UBE2W: variants seen among roughly 807,000 people sequenced by gnomAD.
The protein encoded by UBE2W is ubiquitin-conjugating enzyme E2 W.
A neutral mutation model predicts 27.2 loss-of-function variants in UBE2W; 18 were observed. The ratio of observed to expected loss-of-function variants is 0.66; its 90% CI spans 0.46 to 0.98. The LOEUF is 0.98. UBE2W is among the 50% of genes least tolerant of loss of function. The probability of loss-of-function intolerance (pLI) is 0.00; values close to 1 mark genes in which losing one functional copy is unlikely to be tolerated. For synonymous variants in UBE2W, 53 were observed against 57.2 expected (o/e 0.93, Z 0.33); for missense variants, 90 against 180.2 (o/e 0.50, Z 2.87).
At chr8:73,861,463 C>T (rs1190308145) in intron 1 of UBE2W, among the ~76,000 whole-genome samples, 1 of 151,980 alleles carries the variant, frequency 6.6e-6, no homozygotes, top group East Asian at 1.9e-4. Context: ...TGATACAGGC[C>T]CCTAAGATTA....
downstream of UBE2W, among the ~76,000 whole-genome samples, chr8:73,783,094 A>AAAAT (rs1455842555): frequency 2.0e-5 from 3 of 152,232 alleles, no homozygotes; most frequent in Non-Finnish European, 4.4e-5. Flanking sequence ...AGTAAAAAAC[A>AAAAT]AAATCACCCA....
chr8:73,795,876 G>T, intron 5 of UBE2W: 1 of 591,472 alleles, frequency 1.7e-6, no homozygotes, highest in Non-Finnish European at 2.1e-6. Flanking sequence ...GGGCCCAGGA[G>T]TTCAAGACCA....
rs1808008825 is a variant in UBE2W at position 73,787,584 on chromosome 8, G to A, written c.*6518C>T. ...GAGGACTAAGGTGCTCCTGGGGCAA[G>A]CAGATCCCCTGCAGAAAAGCTTAGA... On this transcript the variant is annotated 3_prime_UTR_variant, in exon 6 of 6. Coordinates refer to ENST00000602593, the MANE Select transcript of UBE2W (RefSeq NM_018299.6). 1 of 985,326 alleles carries A rather than the reference G, an allele frequency of 1.0e-6. No homozygotes were observed. The highest frequency in any genetic ancestry group is 6.1e-5 in the Admixed American group (1 of 16,264). The allele number at this position is 985,326 out of a possible 1,614,324, so 61.0% of individuals were successfully genotyped here.
chr8:73,805,464 A>AAACAAAC (rs1554579959), intron 5 of UBE2W, among the ~76,000 whole-genome samples, 187 bp downstream of exon 5: 1 of 124,626 alleles, frequency 8.0e-6, no homozygotes, highest in African/African-American at 2.7e-5. Flanking sequence ...CAAAAAAAAA[A>AAACAAAC]AAAAAAACAA....
At position 73,792,300 on chromosome 8, in the gene UBE2W, T is replaced by C; in HGVS notation, c.*1802A>G. ...TTTTTTAAAAGTGGTAATTGTTAAC[T>C]AGCAGTATATAAACAGTGTCCACAA... On this transcript the variant is annotated 3_prime_UTR_variant, in exon 6 of 6. Transcript: ENST00000602593. 2.0e-6 allele frequency: 2 copies of C among 985,644 alleles called. No homozygotes were observed. Among genetic ancestry groups the C allele is most frequent in the Non-Finnish European group, 2.4e-6 (2 of 829,778 alleles). The allele number at this position is 985,644 out of a possible 1,614,324, so 61.1% of individuals were successfully genotyped here. A position where few individuals can be genotyped will look rare whatever the true frequency, so the allele number is the denominator to read the frequency against.
At chr8:73,811,209 A>C (rs961097268) in intron 3 of UBE2W, among the ~76,000 whole-genome samples, 1 of 152,174 alleles carries the variant, frequency 6.6e-6, no homozygotes, top group African/African-American at 2.4e-5. Flanking sequence ...GCCTAGACGA[A>C]AAATACAAAA....
chr8:73,829,799 A>T (rs377499668), intron 2 of UBE2W, among the ~76,000 whole-genome samples: 391 of 152,302 alleles, frequency 2.6e-3, no homozygotes, highest in African/African-American at 8.5e-3. Context: ...TTGGTTTACA[A>T]TCAATTTTTA....
At chr8:73,781,575 T>C (rs1417469949), downstream of UBE2W, among the ~76,000 whole-genome samples, 1 of 151,746 alleles carries the variant, frequency 6.6e-6, no homozygotes, top group African/African-American at 2.4e-5. Context: ...ATAAGTGTAC[T>C]GACTTTCAGC....
At chr8:73,781,618 GGTT>G (rs1011305457), downstream of UBE2W, among the ~76,000 whole-genome samples, 2 of 89,738 alleles carry the variant, frequency 2.2e-5, no homozygotes, top group Non-Finnish European at 4.8e-5. Context: ...CTCAGGTTTG[GGTT>G]TTTTTTTTTT....
intron 1 of UBE2W, among the ~76,000 whole-genome samples, chr8:73,841,269 G>A (rs1305498744): frequency 6.6e-6 from 1 of 152,100 alleles, no homozygotes; most frequent in Non-Finnish European, 1.5e-5. Flanking sequence ...AGGGAAATGT[G>A]AGGCAATGTA....
At chr8:73,801,522 T>C (rs920797168) in intron 5 of UBE2W, among the ~76,000 whole-genome samples, 1 of 152,234 alleles carries the variant, frequency 6.6e-6, no homozygotes, top group Admixed American at 6.5e-5. Context: ...ACTAGTGAGA[T>C]TGAATCTATC....
Position 73,854,343 on chromosome 8 carries a change from T to A in UBE2W, c.16-23871A>T, listed in dbSNP as rs531522117. The stretch of plus-strand genomic sequence containing the variant: ...ATATTGTTAGAATAAATATTGATGC[T>A]CAACTCTTTACCAATCAAAAGGCAG... On this transcript the variant is annotated intron_variant, in intron 1 of 5. Transcript: ENST00000602593. Among the ~76,000 whole-genome samples the A allele has an allele frequency of 5.3e-5, 8 of 152,238 alleles. No individual in the cohort carries two copies. In the South Asian group the frequency reaches 1.7e-3, roughly 32 times the overall value.
rs10652083 is a variant in UBE2W at position 73,789,307 on chromosome 8, T to TAAAAAAAAAAAAAAAAAAAAA, written c.*4774_*4794dup. 1 of 40,032 alleles carries TAAAAAAAAAAAAAAAAAAAAA rather than the reference T, an allele frequency of 2.5e-5. No homozygotes were observed. The highest frequency in any genetic ancestry group is 4.6e-5 in the Non-Finnish European group (1 of 21,742). 2.5% of individuals were successfully genotyped at this position (40,032 alleles called of 1,614,324 possible). On this transcript the variant is annotated 3_prime_UTR_variant, in exon 6 of 6. Transcript: ENST00000602593. ...GCAACATGGTGAGACCTCGTGTCTT[T>TAAAAAAAAAAAAAAAAAAAAA]AAAAAAAAAAAAAAAAAAAAAAAAA... is the stretch of plus-strand genomic sequence containing the variant.
At chr8:73,832,543 T>C (rs1013754475) in intron 1 of UBE2W, among the ~76,000 whole-genome samples, 1 of 152,196 alleles carries the variant, frequency 6.6e-6, no homozygotes, top group South Asian at 2.1e-4. Flanking sequence ...GGAAAAAATA[T>C]TTCAACACTG....
At chr8:73,870,461 T>C (rs34722969) in intron 1 of UBE2W, among the ~76,000 whole-genome samples, 47,971 of 151,614 alleles carry the variant, frequency 0.32, 9,963 homozygotes, top group African/African-American at 0.61. Context: ...TAAAAGATAA[T>C]TCACCAATTC....
intron 2 of UBE2W, among the ~76,000 whole-genome samples, chr8:73,829,226 G>C (rs562076518): frequency 6.6e-6 from 1 of 152,028 alleles, no homozygotes; most frequent in South Asian, 2.1e-4. Context: ...ATTGTGTTGT[G>C]TGGTTTCCCC....
At chr8:73,870,928 A>G (rs1420308819) in intron 1 of UBE2W, among the ~76,000 whole-genome samples, 1 of 152,000 alleles carries the variant, frequency 6.6e-6, no homozygotes, top group Non-Finnish European at 1.5e-5. Context: ...AAGGAGGACA[A>G]TAAGGCTACA....
chr8:73,833,177 T>A (rs1586494245), intron 1 of UBE2W, among the ~76,000 whole-genome samples: 5 of 93,548 alleles, frequency 5.3e-5, no homozygotes, highest in East Asian at 3.3e-4. Flanking sequence ...AGAGTGAGAC[T>A]CCACCTCAAA....
intron 2 of UBE2W, among the ~76,000 whole-genome samples, chr8:73,827,681 C>T (rs1809907753): frequency 1.3e-5 from 2 of 152,066 alleles, no homozygotes; most frequent in African/African-American, 4.8e-5. Flanking sequence ...AGGTGCACAC[C>T]ACCATGCCCA....
Sources: gnomAD v4.1 joint callset for allele counts (sites outside exome capture counted in the v4.1 genomes callset) on GRCh38, gnomAD v4.1.1 for gene constraint, MANE v1.5 for transcripts, NCBI Gene and HGNC (gene_info 2026-07-23, HGNC 2026-07-21) for gene names.